Variants in CTBP1 observed in about 807,000 individuals in gnomAD.
CTBP1 encodes C-terminal-binding protein 1.
In CTBP1, 11 loss-of-function variants were observed where a neutral mutation model predicts 42.1. That is an observed-to-expected ratio of 0.26 (90% CI 0.16 to 0.43). The LOEUF (loss-of-function observed/expected upper bound fraction) is 0.43. Ranked by LOEUF, CTBP1 falls within the 20% of genes least tolerant of loss-of-function variation. The probability of loss-of-function intolerance (pLI) is 1.00; values close to 1 mark genes in which losing one functional copy is unlikely to be tolerated. For synonymous variants in CTBP1, 324 were observed against 277.1 expected, an observed-to-expected ratio of 1.17 and a Z score of -1.68; for missense variants, 399 against 624.3, an observed-to-expected ratio of 0.64 and a Z score of 3.85.
Position 1,243,480 on chromosome 4 carries a change from C to T in CTBP1, c.-188-1961G>A, listed in dbSNP as rs1732401126. The T allele has an allele frequency of 3.0e-6, 3 of 985,250 alleles. No homozygotes were observed. In the South Asian group the frequency reaches 1.4e-4, roughly 46 times the overall value. The allele number at this position is 985,250 out of a possible 1,614,324, so 61.0% of individuals were successfully genotyped here. On this transcript the variant is annotated intron_variant, in intron 1 of 9. Transcript: ENST00000382952. ...TCCAGTTCAGGACAGACACCTGAGG[C>T]CCAGCACCTGGTTCTCCTCCAGGGA...
At chr4:1,222,492 G>T (rs1729853373) in intron 5 of CTBP1, among the ~76,000 whole-genome samples, 1 of 152,140 alleles carries the variant, frequency 6.6e-6, no homozygotes, top group Non-Finnish European at 1.5e-5. Context: ...GACGACCTGG[G>T]CCAGTGCAGG....
In CTBP1 at chr4:1,238,927, G is replaced by A. The variant is rs970753415; in HGVS notation, c.8-590C>T. Among the ~76,000 whole-genome samples the A allele has an allele frequency of 6.6e-6, 1 of 152,162 alleles. No homozygotes were observed. Among genetic ancestry groups the A allele is most frequent in the Non-Finnish European group, 1.5e-5 (1 of 68,026 alleles). On this transcript the variant is annotated intron_variant, in intron 2 of 9. Coordinates refer to ENST00000382952, the MANE Select transcript of CTBP1 (RefSeq NM_001012614.2). The surrounding 1 kb of genome is among the most constrained non-coding windows in gnomAD (Gnocchi z 5.9). ...AGCACGGGACTTTGGGAACATGGTT[G>A]TCCCTTTCCTGCCTGGGCTACCGCG...
At chr4:1,232,234 G>C (rs997240778) in intron 3 of CTBP1, among the ~76,000 whole-genome samples, 2 of 152,164 alleles carry the variant, frequency 1.3e-5, no homozygotes, top group African/African-American at 4.8e-5. Flanking sequence ...TTCACCCTTA[G>C]GCTGGCACAC....
chr4:1,221,945 A>G, intron 5 of CTBP1: 1 of 338,282 alleles, frequency 3.0e-6, no homozygotes, highest in South Asian at 2.2e-5. Flanking sequence ...CGTAGAGCAG[A>G]GGAAGCGGCC....
At chr4:1,241,064 C>T (rs529861433) in intron 2 of CTBP1, among the ~76,000 whole-genome samples, 20 of 152,338 alleles carry the variant, frequency 1.3e-4, no homozygotes, top group African/African-American at 4.1e-4. Flanking sequence ...GCCTCTCAGA[C>T]ACTTTCCGAC....
chr4:1,224,179 C>T (rs1730061572), intron 5 of CTBP1, among the ~76,000 whole-genome samples: 1 of 152,148 alleles, frequency 6.6e-6, no homozygotes, highest in Non-Finnish European at 1.5e-5. Context: ...GCGTACGTGC[C>T]CATGACTGAC....
rs148611852 is a variant in CTBP1 at position 1,228,173 on chromosome 4, C to T, written c.307+26G>A. ...GGGACGGAGCTTGCATGAATGGGCA[C>T]AGGAGAGAACTCGGAGCCGGCCTAC... On this transcript the variant is annotated intron_variant, in intron 4 of 9. Transcript: ENST00000382952. 13 of 1,612,768 alleles carry T rather than the reference C, an allele frequency of 8.1e-6. 1 individual carries two copies. The South Asian group carries it at 1.2e-4, about 15-fold the overall frequency.
At chr4:1,213,112 G>A in intron 8 of CTBP1, 82 bp from the exon 9 acceptor site, 1 of 1,201,264 alleles carries the variant, frequency 8.3e-7, no homozygotes, top group East Asian at 2.3e-5. Flanking sequence ...GACACGGGCA[G>A]CAGGATTCTT....
intron 5 of CTBP1, chr4:1,216,641 T>G (rs1347994937): frequency 4.6e-5 from 11 of 238,422 alleles, no homozygotes; most frequent in Non-Finnish European, 8.3e-6. Flanking sequence ...CACCACTACG[T>G]GGAGACGGCA....
chr4:1,247,374 C>G (rs905290026), intron 1 of CTBP1, among the ~76,000 whole-genome samples: 4 of 152,112 alleles, frequency 2.6e-5, no homozygotes, highest in Non-Finnish European at 5.9e-5. Flanking sequence ...AACAGAATCA[C>G]AGAGAGCAAA....
intron 1 of CTBP1, chr4:1,244,358 G>GA: frequency 1.0e-6 from 1 of 983,144 alleles, no homozygotes; most frequent in Admixed American, 6.2e-5. Flanking sequence ...GGGCACTGGG[G>GA]GGGGGGTGTT....
chr4:1,236,307 T>A (rs1467914228), intron 3 of CTBP1: 2 of 361,766 alleles, frequency 5.5e-6, no homozygotes, highest in Admixed American at 4.1e-5. Flanking sequence ...CGGAGGAGCC[T>A]GTGGGTCTCC....
chr4:1,213,554 A>G lies in CTBP1; in HGVS notation c.912T>C (p.His304=), dbSNP rs1267672718. The G allele has an allele frequency of 6.2e-7, 1 of 1,613,202 alleles. No individual in the cohort carries two copies. The highest frequency in any genetic ancestry group is 8.5e-7 in the Non-Finnish European group (1 of 1,179,896). Reference sequence around the variant, plus strand: ...ATGCCTGCTCGCTGTACCATGCAGCATGGGGGGTGCAGATGAGGTTGGGTG... The same window carrying G: ...ATGCCTGCTCGCTGTACCATGCAGCGTGGGGGGTGCAGATGAGGTTGGGTG... The part of the protein sequence containing the change: ...KDAPNLICTP[H]AAWYSEQASI... The change falls in exon 8 of 10, where the codon CAT becomes CAC. Residue 304 remains histidine, a synonymous_variant. Coordinates refer to ENST00000382952, the MANE Select transcript of CTBP1 (RefSeq NM_001012614.2).
intron 1 of CTBP1, among the ~76,000 whole-genome samples, chr4:1,246,925 T>C (rs1732780391): frequency 6.6e-6 from 1 of 152,224 alleles, no homozygotes; most frequent in Non-Finnish European, 1.5e-5. Flanking sequence ...CTCCCAGCCC[T>C]TGGGGGAGGC....
chr4:1,222,186 G>T (rs1729813967), intron 5 of CTBP1, among the ~76,000 whole-genome samples: 1 of 152,190 alleles, frequency 6.6e-6, no homozygotes, highest in African/African-American at 2.4e-5. Flanking sequence ...GTGGGATGGG[G>T]CTCAGGGACA....
At chr4:1,242,942 C>A (rs1732329166) in intron 1 of CTBP1, 5 of 984,766 alleles carry the variant, frequency 5.1e-6, no homozygotes, top group Non-Finnish European at 6.0e-6. Context: ...CCAGCCGATA[C>A]TCATCAATGC....
intron 1 of CTBP1, chr4:1,244,508 T>C (rs1449888356): frequency 1.0e-6 from 1 of 985,188 alleles, no homozygotes; most frequent in Non-Finnish European, 1.2e-6. Flanking sequence ...GTCCCTCCAC[T>C]GGCCAGCCCT....
intron 1 of CTBP1, chr4:1,244,679 T>C (rs1001970367): frequency 1.1e-5 from 11 of 985,214 alleles, no homozygotes; most frequent in Non-Finnish European, 1.3e-5. Flanking sequence ...ACCCTAAGGC[T>C]GGGTGGTCTC....
chr4:1,214,544 GGTCACGCACGC>G, intron 6 of CTBP1, 71 bp from the exon 7 acceptor site: 1 of 1,490,760 alleles, frequency 6.7e-7, no homozygotes, highest in Non-Finnish European at 8.9e-7. Context: ...GAAGCAAGGT[GGTCACGCACGC>G]CGTTGGGAAG....
Sources: allele counts gnomAD v4.1 joint callset (sites outside exome capture counted in the v4.1 genomes callset), GRCh38; gene constraint gnomAD v4.1.1; non-coding constraint Gnocchi (gnomAD v3.1); transcripts MANE v1.5; gene names NCBI Gene and HGNC (gene_info 2026-07-23, HGNC 2026-07-21).